The following TMEM144 variants were observed in gnomAD, a reference collection of about 807,000 sequenced individuals.
TMEM144 encodes transmembrane protein 144.
Under a neutral mutation model 43.6 loss-of-function variants are expected in TMEM144, and 39 were observed. That is an observed-to-expected ratio of 0.90 (90% CI 0.69 to 1.17). The LOEUF (loss-of-function observed/expected upper bound fraction) is 1.17. Ranked by LOEUF, TMEM144 falls within the 50% of genes most tolerant of loss-of-function variation. The probability of loss-of-function intolerance (pLI) is 0.00; values close to 1 mark genes in which losing one functional copy is unlikely to be tolerated. For synonymous variants in TMEM144, 154 were observed against 133.6 expected (o/e 1.15, Z -1.06); for missense variants, 417 against 411.9 (o/e 1.01, Z -0.11).
intron 1 of TMEM144, chr4:158,210,950 T>C (rs1733929574): frequency 6.6e-6 from 1 of 152,206 alleles, no homozygotes; most frequent in Non-Finnish European, 1.5e-5. Context: ...TTTGACAAAA[T>C]ATCAGCGAAC....
rs543682177 is a variant in TMEM144, at chr4:158,226,252, T to G, written c.414-6649T>G. Among the ~76,000 whole-genome samples, 8 of 152,356 alleles carry G rather than the reference T, an allele frequency of 5.3e-5. 1 individual carries two copies. The South Asian group carries it at 1.7e-3, about 32-fold the overall frequency. Reference sequence around the variant, plus strand: ...TATTAGTGTGTTATTAATGTTAAACTTAATTTTAATAAAATCTTGTAGACA... The same window carrying G: ...TATTAGTGTGTTATTAATGTTAAACGTAATTTTAATAAAATCTTGTAGACA... On this transcript the variant is annotated intron_variant, in intron 6 of 12. Coordinates refer to ENST00000296529, the MANE Select transcript of TMEM144 (RefSeq NM_018342.5).
rs111686524 is a variant in TMEM144 at position 158,249,642 on chromosome 4, G to A, written c.955-3802G>A. Reference sequence around the variant, plus strand: ...CTGTCTACATAGGTAATAAAATAGCGCTTAGCAATGTATTCACGTAATTAG... The same window carrying A: ...CTGTCTACATAGGTAATAAAATAGCACTTAGCAATGTATTCACGTAATTAG... On this transcript the variant is annotated intron_variant, in intron 12 of 12. Coordinates refer to ENST00000296529, the MANE Select transcript of TMEM144 (RefSeq NM_018342.5). Among the ~76,000 whole-genome samples, 860 of 152,212 alleles carry A rather than the reference G, an allele frequency of 5.7e-3. 11 individuals are homozygous for A. Among genetic ancestry groups the A allele is most frequent in the African/African-American group, 0.02 (820 of 41,558 alleles).
At chr4:158,238,127 C>T (rs1051815422) in intron 9 of TMEM144, among the ~76,000 whole-genome samples, 13 of 152,290 alleles carry the variant, frequency 8.5e-5, no homozygotes, top group African/African-American at 3.1e-4. Flanking sequence ...CAGAATTAAT[C>T]TCCCAAGAGT....
chr4:158,242,835 G>C (rs954170232), intron 11 of TMEM144, among the ~76,000 whole-genome samples: 6 of 152,124 alleles, frequency 3.9e-5, no homozygotes, highest in Admixed American at 2.6e-4. Context: ...GTTTACAAAA[G>C]GAAAATATAC....
At chr4:158,251,499 C>G (rs890868783) in intron 12 of TMEM144, among the ~76,000 whole-genome samples, 4 of 152,128 alleles carry the variant, frequency 2.6e-5, no homozygotes, top group African/African-American at 9.7e-5. Context: ...ACATGACTAG[C>G]AAAAGGAAAC....
At chr4:158,229,964 C>CG (rs397719353) in intron 6 of TMEM144, among the ~76,000 whole-genome samples, 5 of 151,990 alleles carry the variant, frequency 3.3e-5, no homozygotes, top group Non-Finnish European at 7.4e-5. Context: ...GCCCCTTCCC[C>CG]AAGGAGCTCA....
chr4:158,222,672 A>G (rs1190782955), intron 6 of TMEM144, among the ~76,000 whole-genome samples: 1 of 152,136 alleles, frequency 6.6e-6, no homozygotes, highest in Non-Finnish European at 1.5e-5. Flanking sequence ...TTCTATATAC[A>G]CCATTCCTCC....
chr4:158,237,637 C>A lies in TMEM144; in HGVS notation c.676C>A (p.Gln226Lys), dbSNP rs759565137. 1.3e-6 allele frequency: 2 copies of A among 1,596,272 alleles called. No individual in the cohort carries two copies. The highest frequency in any genetic ancestry group is 1.7e-6 in the Non-Finnish European group (2 of 1,167,626). Residue 226 changes from glutamine (Q) to lysine (K), a missense_variant, in exon 9 of 13, where the codon CAA becomes AAA. Transcript: ENST00000296529. ...RNDSIYAGAS[Q>K]YDLDYVFAHF... ...TGATAGTATATATGCAGGGGCAAGC[C>A]AATATGGTGAGAATAAAAAGTTATC...
intron 6 of TMEM144, among the ~76,000 whole-genome samples, chr4:158,228,543 G>A (rs186403845): frequency 1.2e-3 from 190 of 152,248 alleles, no homozygotes; most frequent in African/African-American, 4.2e-3. Context: ...CAGCCACTGC[G>A]TCGATCCTCC....
At chr4:158,229,375 A>G (rs990023441) in intron 6 of TMEM144, among the ~76,000 whole-genome samples, 2 of 152,172 alleles carry the variant, frequency 1.3e-5, no homozygotes, top group Non-Finnish European at 2.9e-5. Flanking sequence ...CTTCTTCTTC[A>G]TCTGGGATCT....
chr4:158,241,638 AT>A, intron 11 of TMEM144, 32 bp downstream of exon 11: 1 of 1,594,376 alleles, frequency 6.3e-7, no homozygotes, highest in Non-Finnish European at 8.6e-7. Flanking sequence ...CCTAATTTTC[AT>A]TTTATAAATG....
rs143596149 is a variant in TMEM144, at chr4:158,236,490, C to A, written c.563+985C>A. Among the ~76,000 whole-genome samples the A allele has an allele frequency of 3.7e-3, 569 of 152,206 alleles. 3 individuals are homozygous for A. Among genetic ancestry groups the A allele is most frequent in the African/African-American group, 0.012 (510 of 41,532 alleles). Reference sequence around the variant, plus strand: ...TCTTGTCTGCGTTTGGGACGCTCCACGGCTATGAAGTCCAGACCTCACGTG... The same window carrying A: ...TCTTGTCTGCGTTTGGGACGCTCCAAGGCTATGAAGTCCAGACCTCACGTG... On this transcript the variant is annotated intron_variant, in intron 8 of 12. Coordinates refer to ENST00000296529, the MANE Select transcript of TMEM144 (RefSeq NM_018342.5).
chr4:158,250,195 CATATATATATATAT>C (rs5863314), intron 12 of TMEM144, among the ~76,000 whole-genome samples: 13,729 of 135,476 alleles, frequency 0.1, 907 homozygotes, highest in Admixed American at 0.18. Context: ...TAATACATAA[CATATATATATATAT>C]ATATATATAT....
chr4:158,245,797 G>A, intron 12 of TMEM144, among the ~76,000 whole-genome samples: 1 of 151,926 alleles, frequency 6.6e-6, no homozygotes, highest in Non-Finnish European at 1.5e-5. Context: ...GTGTGGTGAG[G>A]AACACTTGTA....
At chr4:158,222,849 T>C (rs114088579) in intron 6 of TMEM144, among the ~76,000 whole-genome samples, 1 of 152,324 alleles carries the variant, frequency 6.6e-6, no homozygotes, top group South Asian at 2.1e-4. Context: ...AGCTTGAAAA[T>C]GTAAAGAAGA....
intron 6 of TMEM144, among the ~76,000 whole-genome samples, chr4:158,230,214 T>A (rs1735006057): frequency 6.6e-6 from 1 of 152,204 alleles, no homozygotes; most frequent in Non-Finnish European, 1.5e-5. Flanking sequence ...ACCAATTCCC[T>A]TGGCTGGGGT....
intron 8 of TMEM144, among the ~76,000 whole-genome samples, chr4:158,236,581 A>T (rs1035065419): frequency 6.6e-6 from 1 of 152,146 alleles, no homozygotes; most frequent in Non-Finnish European, 1.5e-5. Context: ...CTACAGGCTC[A>T]TGTTACTTTA....
At chr4:158,223,966 T>C (rs539725083) in intron 6 of TMEM144, among the ~76,000 whole-genome samples, 18 of 152,362 alleles carry the variant, frequency 1.2e-4, no homozygotes, top group Middle Eastern at 3.4e-3. Flanking sequence ...TTTCTGGTTC[T>C]AGATCCTTGA....
chr4:158,254,435 G>GTTTTTTTTTTTTTTTTTTTTTTT lies in TMEM144; in HGVS notation c.*910_*932dup. ...GCAAAATAAAATGACAGGCATGCTA[G>GTTTTTTTTTTTTTTTTTTTTTTT]TTTTTTTTTTTTTTTTTTTTTTTTA... On this transcript the variant is annotated 3_prime_UTR_variant, in exon 13 of 13. Coordinates refer to ENST00000296529, the MANE Select transcript of TMEM144 (RefSeq NM_018342.5). 8.3e-6 allele frequency: 1 copy of GTTTTTTTTTTTTTTTTTTTTTTT among 120,756 alleles called. No individual in the cohort carries two copies. Among genetic ancestry groups the GTTTTTTTTTTTTTTTTTTTTTTT allele is most frequent in the Non-Finnish European group, 1.7e-5 (1 of 58,208 alleles). The allele number at this position is 120,756 out of a possible 1,614,324, so 7.5% of individuals were successfully genotyped here.
Sources: allele counts gnomAD v4.1 joint callset (sites outside exome capture counted in the v4.1 genomes callset), GRCh38; gene constraint gnomAD v4.1.1; transcripts MANE v1.5; gene names NCBI Gene and HGNC (gene_info 2026-07-23, HGNC 2026-07-21).